The following TMEM44 variants were observed in gnomAD, a reference collection of about 807,000 sequenced individuals.
The protein encoded by TMEM44 is transmembrane protein 44.
Under a neutral mutation model 47.8 loss-of-function variants are expected in TMEM44, and 43 were observed. That is an observed-to-expected ratio of 0.90 (90% confidence interval 0.70 to 1.16). The LOEUF (loss-of-function observed/expected upper bound fraction) is 1.16, where lower values mean the gene tolerates loss of function less well. TMEM44 is among the 50% of genes most tolerant of loss of function. The probability of loss-of-function intolerance (pLI) is 0.00; values close to 1 mark genes in which losing one functional copy is unlikely to be tolerated. For synonymous variants in TMEM44, 277 were observed against 238.8 expected (o/e 1.16, Z -1.48); for missense variants, 568 against 555.2 (o/e 1.02, Z -0.23).
chr3:194,624,148 G>C (rs530835757), intron 3 of TMEM44, among the ~76,000 whole-genome samples: 66 of 152,322 alleles, frequency 4.3e-4, no homozygotes, highest in African/African-American at 1.5e-3. Flanking sequence ...GCAATGAGCA[G>C]TGTCTTTGTC....
chr3:194,625,681 CATG>C (rs1717086278), intron 3 of TMEM44, among the ~76,000 whole-genome samples: 1 of 152,154 alleles, frequency 6.6e-6, no homozygotes, highest in Non-Finnish European at 1.5e-5. Context: ...GGGGTTTCAC[CATG>C]TTGGCCAGGA....
rs1299613317 is a variant in TMEM44, at chr3:194,617,167, G to C, written c.715C>G (p.Pro239Ala). 6 of 1,556,852 alleles carry C rather than the reference G, an allele frequency of 3.9e-6. No individual in the cohort carries two copies. The highest frequency in any genetic ancestry group is 5.2e-6 in the Non-Finnish European group (6 of 1,150,924). Residue 239 changes from proline (P) to alanine (A), a missense_variant, in exon 6 of 10, where the codon CCT becomes GCT. By Grantham distance (27) the Pro-to-Ala change is conservative. Coordinates refer to ENST00000347147, the MANE Select transcript of TMEM44 (RefSeq NM_001011655.3). ...GGTGTGGCCCGCAGCAGGTACTCAG[G>C]GTGCTGGTCGTGGGCCACAATGGCC... ...ASAIVAHDQH[P>A]EYLLRATPWF...
chr3:194,607,079 TC>T (rs1560173324), intron 8 of TMEM44, among the ~76,000 whole-genome samples: 1 of 152,192 alleles, frequency 6.6e-6, no homozygotes, highest in African/African-American at 2.4e-5. Context: ...TGAAATGTGA[TC>T]CCAGTGTTGG....
At chr3:194,598,461 A>G (rs974015066) in intron 9 of TMEM44, among the ~76,000 whole-genome samples, 6 of 152,144 alleles carry the variant, frequency 3.9e-5, no homozygotes, top group Non-Finnish European at 8.8e-5. Context: ...GAGCAGACAG[A>G]ACTGGGTTCA....
chr3:194,623,184 G>A (rs1189910686), intron 5 of TMEM44, 40 bp downstream of exon 5: 1 of 1,562,910 alleles, frequency 6.4e-7, no homozygotes, highest in Admixed American at 1.9e-5. Context: ...CCCTGAGACT[G>A]TCATGTGACC....
At chr3:194,627,663 T>C (rs1717320822) in intron 2 of TMEM44, among the ~76,000 whole-genome samples, 1 of 152,160 alleles carries the variant, frequency 6.6e-6, no homozygotes, top group Non-Finnish European at 1.5e-5. Flanking sequence ...GCTGACACTC[T>C]AATGGGAGTT....
chr3:194,612,048 AT>A (rs1365453063), intron 7 of TMEM44, among the ~76,000 whole-genome samples: 1 of 151,706 alleles, frequency 6.6e-6, no homozygotes, highest in African/African-American at 2.4e-5. Context: ...AAATAAATAA[AT>A]AAATAAATAA....
At chr3:194,594,122 TCTATCTA>T (rs1560157548) in intron 9 of TMEM44, among the ~76,000 whole-genome samples, 11 of 103,998 alleles carry the variant, frequency 1.1e-4, no homozygotes, top group South Asian at 7.0e-4. Flanking sequence ...TAATTTTCTA[TCTATCTA>T]TCTATCTATC....
rs1362614033 is a variant in TMEM44 at position 194,628,505 on chromosome 3, G to C, written c.142C>G (p.Leu48Val). ...SCWIAAHALL[L>V]YLRCAQKPRQ... ...GGTTTCTGTGCACATCTCAGATAGA[G>C]AAGCCTGGGGTGACAGGGGTGTGGA... The change falls in exon 2 of 10, where the codon CTC (leucine) becomes GTC (valine). Residue 48 changes from leucine (L) to valine (V), a missense_variant. Physicochemically the swap from Leu to Val is conservative, Grantham distance 32. Transcript: ENST00000347147. 5.6e-6 allele frequency: 9 copies of C among 1,612,334 alleles called. No individual in the cohort carries two copies. Among genetic ancestry groups the C allele is most frequent in the Non-Finnish European group, 7.6e-6 (9 of 1,179,062 alleles).
chr3:194,588,730 T>G, intron 9 of TMEM44, 91 bp from the exon 10 acceptor site: 1 of 1,266,790 alleles, frequency 7.9e-7, no homozygotes, highest in Non-Finnish European at 1.1e-6. Flanking sequence ...AGCTCCAATC[T>G]TGGTTCTCAT....
intron 5 of TMEM44, among the ~76,000 whole-genome samples, chr3:194,621,130 A>T (rs2108595369): frequency 6.6e-6 from 1 of 152,186 alleles, no homozygotes; most frequent in East Asian, 1.9e-4. Context: ...AGATGAGGTC[A>T]TTAGGATGAG....
chr3:194,623,506 TC>T, intron 4 of TMEM44, 22 bp downstream of exon 4: 2 of 1,563,106 alleles, frequency 1.3e-6, no homozygotes, highest in South Asian at 1.2e-5. Flanking sequence ...CCCCGAGTCC[TC>T]CCCACGGTGG....
At chr3:194,628,900 A>T (rs1717467325) in intron 1 of TMEM44, among the ~76,000 whole-genome samples, 1 of 152,220 alleles carries the variant, frequency 6.6e-6, no homozygotes, top group African/African-American at 2.4e-5. Context: ...ATGGTGGCTC[A>T]CACCTGTAAT....
At chr3:194,612,269 C>T (rs1173145490) in intron 7 of TMEM44, among the ~76,000 whole-genome samples, 1 of 152,050 alleles carries the variant, frequency 6.6e-6, no homozygotes, top group Non-Finnish European at 1.5e-5. Context: ...AATATTTTGG[C>T]CCCCTTTTGG....
At chr3:194,632,083 C>A (rs2108607998) in intron 1 of TMEM44, among the ~76,000 whole-genome samples, 1 of 152,318 alleles carries the variant, frequency 6.6e-6, no homozygotes, top group East Asian at 1.9e-4. Context: ...TCCTTTCACT[C>A]AGACAAGTTA....
At chr3:194,610,855 A>G (rs1715244448) in intron 8 of TMEM44, 61 bp downstream of exon 8, 1 of 1,439,718 alleles carries the variant, frequency 6.9e-7, no homozygotes, top group Non-Finnish European at 9.7e-7. Context: ...CTCCTCCAGG[A>G]AGCCTTCCAT....
At chr3:194,596,654 G>C (rs1363854483) in intron 9 of TMEM44, among the ~76,000 whole-genome samples, 1 of 152,150 alleles carries the variant, frequency 6.6e-6, no homozygotes, top group Non-Finnish European at 1.5e-5. Flanking sequence ...AGCCAGGCGT[G>C]GTGGCGCATG....
At chr3:194,614,967 C>T (rs754483023) in intron 7 of TMEM44, among the ~76,000 whole-genome samples, 21 of 152,154 alleles carry the variant, frequency 1.4e-4, no homozygotes, top group East Asian at 1.2e-3. Context: ...CTACGCACCA[C>T]GGCTTATGCC....
At position 194,611,852 on chromosome 3, in the gene TMEM44, T is replaced by C. The variant is rs954810370; in HGVS notation, c.913-832A>G. ...GCCTGGTCAACATAGTGAAACCCTGTCTCTACTAAAAATACAAAAATTGGC... is the reference window on the plus strand; with the variant it reads ...GCCTGGTCAACATAGTGAAACCCTGCCTCTACTAAAAATACAAAAATTGGC... On this transcript the variant is annotated intron_variant, in intron 7 of 9. Transcript: ENST00000347147. The surrounding 1 kb of genome is among the most constrained non-coding windows in gnomAD (Gnocchi z 4.2). Among the ~76,000 whole-genome samples the C allele has an allele frequency of 7.2e-5, 11 of 152,000 alleles. No individual in the cohort carries two copies. Among genetic ancestry groups the C allele is most frequent in the Non-Finnish European group, 4.4e-5 (3 of 68,002 alleles).
Sources: allele counts gnomAD v4.1 joint callset (sites outside exome capture counted in the v4.1 genomes callset), GRCh38; gene constraint gnomAD v4.1.1; non-coding constraint Gnocchi (gnomAD v3.1); transcripts MANE v1.5; gene names NCBI Gene and HGNC (gene_info 2026-07-23, HGNC 2026-07-21).